DCAF6: variants seen among roughly 807,000 people sequenced by gnomAD.
The protein encoded by DCAF6 is DDB1- and CUL4-associated factor 6.
DCAF6 carries 54 observed loss-of-function variants against 125.1 expected under a neutral mutation model. The observed-to-expected ratio is 0.43, with a 90% CI of 0.35 to 0.54. DCAF6 has a LOEUF of 0.54. Ranked by LOEUF, DCAF6 falls within the 20% of genes least tolerant of loss-of-function variation. DCAF6 has a pLI of 0.01. For missense variants in DCAF6, 934 were observed against 1,161.7 expected (o/e 0.80, Z 2.85); for synonymous variants, 371 against 390.4 (o/e 0.95, Z 0.58).
At chr1:167,965,822 A>T (rs929991807) in intron 2 of DCAF6, among the ~76,000 whole-genome samples, 1 of 151,956 alleles carries the variant, frequency 6.6e-6, no homozygotes, top group African/African-American at 2.4e-5. Context: ...TTTAGTAGAG[A>T]CGGGGTTTCG....
intron 16 of DCAF6, 46 bp downstream of exon 16, chr1:168,045,273 C>G (rs1213540165): frequency 4.7e-6 from 7 of 1,498,912 alleles, no homozygotes; most frequent in Non-Finnish European, 6.3e-6. Flanking sequence ...ATGTATTTCA[C>G]AAGGATTTGT....
At chr1:167,927,647 T>C in the DCAF6 span, among the ~76,000 whole-genome samples, 1 of 152,120 alleles carries the variant, frequency 6.6e-6, no homozygotes, top group South Asian at 2.1e-4. Context: ...CAAGCTTAAA[T>C]GGCTGACAGG....
intron 3 of DCAF6, among the ~76,000 whole-genome samples, chr1:167,974,269 G>A (rs1677797233): frequency 6.6e-6 from 1 of 151,270 alleles, no homozygotes; most frequent in Non-Finnish European, 1.5e-5. Flanking sequence ...AACACTACTA[G>A]GAGAATTAGT....
chr1:167,902,016 C>A, the DCAF6 span: 9 of 1,613,416 alleles, frequency 5.6e-6, no homozygotes, highest in Non-Finnish European at 6.8e-6. Context: ...GCCCCCATAC[C>A]TGCAAATTTC....
the DCAF6 span, chr1:167,878,655 G>T: frequency 6.2e-7 from 1 of 1,610,896 alleles, no homozygotes; most frequent in South Asian, 1.1e-5. Context: ...GAAAGAGAAA[G>T]TCAAAGATCA....
intron 1 of DCAF6, 123 bp from the exon 2 acceptor site, chr1:167,951,677 T>C (rs1053532136): frequency 4.7e-6 from 3 of 639,338 alleles, no homozygotes; most frequent in Admixed American, 2.7e-5. Flanking sequence ...AGTTTATAAA[T>C]GGTGGAGCTG....
chr1:167,870,107 G>T, the DCAF6 span: 3 of 850,464 alleles, frequency 3.5e-6, no homozygotes, highest in Non-Finnish European at 3.8e-6. Context: ...TGTGTTTATT[G>T]TTAGTTATCT....
chr1:168,046,106 G>C (rs565198348), intron 16 of DCAF6, among the ~76,000 whole-genome samples: 1 of 152,096 alleles, frequency 6.6e-6, no homozygotes, highest in Non-Finnish European at 1.5e-5. Flanking sequence ...TCAAGAGCAT[G>C]ATGATGGGTT....
At chr1:168,032,895 GAGAT>G (rs1190030896) in intron 12 of DCAF6, among the ~76,000 whole-genome samples, 1 of 152,106 alleles carries the variant, frequency 6.6e-6, no homozygotes, top group Non-Finnish European at 1.5e-5. Context: ...ATTTACATAT[GAGAT>G]AGATTCTCCA....
chr1:168,023,711 G>C (rs940400281), intron 12 of DCAF6: 2 of 152,280 alleles, frequency 1.3e-5, no homozygotes, highest in African/African-American at 4.8e-5. Context: ...AGGATTAGTA[G>C]AGGAAGACAT....
intron 12 of DCAF6, among the ~76,000 whole-genome samples, chr1:168,033,965 A>G (rs2103334814): frequency 6.6e-6 from 1 of 152,346 alleles, no homozygotes; most frequent in Middle Eastern, 3.4e-3. Context: ...AGAGGAAGAA[A>G]TAGTTCAGTC....
intron 16 of DCAF6, among the ~76,000 whole-genome samples, chr1:168,048,434 A>G (rs1179879840): frequency 6.6e-6 from 1 of 152,236 alleles, no homozygotes. Context: ...AAAAGGCTTT[A>G]TAGCTAAGTC....
intron 1 of DCAF6, among the ~76,000 whole-genome samples, chr1:167,938,283 TGA>T (rs1671660127): frequency 6.6e-6 from 1 of 152,202 alleles, no homozygotes; most frequent in South Asian, 2.1e-4. Flanking sequence ...TGTGTGTGTA[TGA>T]GAGAGACACC....
Position 168,003,861 on chromosome 1 carries a change from T to C in DCAF6, c.998-9T>C, listed in dbSNP as rs780046777. ...ACTAAACTCACTGATAAGACCTATA[T>C]TGTAATAGGAGAGCAGAGTCCCAAT... On this transcript the variant is annotated splice_polypyrimidine_tract_variant and intron_variant, in intron 8 of 21. Transcript: ENST00000367840. 2 of 1,606,896 alleles carry C rather than the reference T, an allele frequency of 1.2e-6. No individual in the cohort carries two copies. Among genetic ancestry groups the C allele is most frequent in the South Asian group, 1.1e-5 (1 of 90,376 alleles).
chr1:168,006,471 G>A (rs188886280), intron 10 of DCAF6, among the ~76,000 whole-genome samples: 118 of 152,166 alleles, frequency 7.8e-4, no homozygotes, highest in Non-Finnish European at 1.6e-3. Context: ...TGAGAAAAAT[G>A]ATTTGGTGTT....
chr1:167,865,460 T>C, the DCAF6 span, among the ~76,000 whole-genome samples: 2 of 152,200 alleles, frequency 1.3e-5, no homozygotes, highest in African/African-American at 2.4e-5. Flanking sequence ...ACTTACCTTA[T>C]GGTCAAACAT....
rs780561750 is a variant in DCAF6 at position 168,004,763 on chromosome 1, G to A, written c.1348G>A (p.Ala450Thr). 8 of 1,613,904 alleles carry A rather than the reference G, an allele frequency of 5.0e-6. No homozygotes were observed. The Admixed American group carries it at 1.0e-4, about 20-fold the overall frequency. ...PDSEQRQSVE[A>T]SGHHTHHQSE... ...CAGTGAACAAAGGCAGTCTGTTGAGGCATCTGGACACCACACACATCATCA... is the reference window on the plus strand; with the variant it reads ...CAGTGAACAAAGGCAGTCTGTTGAGACATCTGGACACCACACACATCATCA... The change falls in exon 10 of 22, where the codon GCA becomes ACA. Residue 450 changes from alanine to threonine, a missense_variant. By Grantham distance (58) the Ala-to-Thr change is moderately conservative (BLOSUM62 0). Around this residue, in one of 5 missense-constraint regions of DCAF6, gnomAD observed 559 missense variants for 635.5 expected, o/e 0.88. Coordinates refer to ENST00000367840, the MANE Select transcript of DCAF6 (RefSeq NM_001198956.2).
At chr1:168,056,433 G>A (rs1391037882) in intron 17 of DCAF6, 7 of 1,381,588 alleles carry the variant, frequency 5.1e-6, no homozygotes, top group East Asian at 2.6e-5. Context: ...GTTCGCAGGG[G>A]TGCGGGGGTC....
intron 7 of DCAF6, among the ~76,000 whole-genome samples, chr1:167,999,187 A>G (rs944906698): frequency 3.3e-5 from 5 of 152,164 alleles, no homozygotes; most frequent in Non-Finnish European, 7.4e-5. Flanking sequence ...TAGTATTTTG[A>G]AAGGAATCTT....
Sources: allele counts gnomAD v4.1 joint callset (sites outside exome capture counted in the v4.1 genomes callset), GRCh38; gene constraint gnomAD v4.1.1; regional missense constraint gnomAD v4.1.1; transcripts MANE v1.5; gene names NCBI Gene and HGNC (gene_info 2026-07-23, HGNC 2026-07-21).